SGCD: variants seen among roughly 807,000 people sequenced by gnomAD.
SGCD encodes the protein sarcoglycan delta, also known as delta-sarcoglycan.
A neutral mutation model predicts 36.6 loss-of-function variants in SGCD; 18 were observed. The observed-to-expected ratio is 0.49, with a 90% CI of 0.34 to 0.73. SGCD has a LOEUF of 0.73. Ranked by LOEUF, SGCD falls within the 30% of genes least tolerant of loss-of-function variation. The probability of loss-of-function intolerance (pLI) is 0.01; values close to 1 mark genes in which losing one functional copy is unlikely to be tolerated. For missense variants in SGCD, 387 were observed against 346.7 expected, an observed-to-expected ratio of 1.12 and a Z score of -0.92; for synonymous variants, 133 against 130.6, an observed-to-expected ratio of 1.02 and a Z score of -0.12.
At chr5:156,643,043 T>G (rs1763096080) in intron 6 of SGCD, among the ~76,000 whole-genome samples, 1 of 150,748 alleles carries the variant, frequency 6.6e-6, no homozygotes, top group African/African-American at 2.4e-5. Flanking sequence ...TTTGTTTGTT[T>G]TTTTTTGAAA....
At chr5:156,153,376 A>G (rs1405729370) in intron 3 of SGCD, among the ~76,000 whole-genome samples, 2 of 151,496 alleles carry the variant, frequency 1.3e-5, no homozygotes. Context: ...TAAAAACTGC[A>G]TTTGCATTTT....
At chr5:156,082,581 A>G (rs1760984252) in intron 1 of SGCD, among the ~76,000 whole-genome samples, 1 of 152,230 alleles carries the variant, frequency 6.6e-6, no homozygotes, top group African/African-American at 2.4e-5. Flanking sequence ...GTATAGTGGA[A>G]TAGAATTTCA....
chr5:155,788,305 G>T, the SGCD span, among the ~76,000 whole-genome samples: 2 of 152,134 alleles, frequency 1.3e-5, no homozygotes, highest in Non-Finnish European at 2.9e-5. Context: ...TCAAGCTACT[G>T]AAGGATTTTA....
chr5:156,748,231 G>A (rs1313444406), intron 7 of SGCD, among the ~76,000 whole-genome samples: 1 of 152,206 alleles, frequency 6.6e-6, no homozygotes, highest in Non-Finnish European at 1.5e-5. Context: ...GGGTGTGAAT[G>A]CAGAGAAGCA....
intron 3 of SGCD, among the ~76,000 whole-genome samples, chr5:156,316,364 G>C (rs1205664345): frequency 6.6e-6 from 1 of 151,906 alleles, no homozygotes; most frequent in African/African-American, 2.4e-5. Flanking sequence ...AATTAATATT[G>C]TCAAAATGTC....
intron 2 of SGCD, among the ~76,000 whole-genome samples, chr5:156,119,261 G>C (rs1761976959): frequency 6.6e-6 from 1 of 152,104 alleles, no homozygotes; most frequent in African/African-American, 2.4e-5. Flanking sequence ...GGTTTAATCA[G>C]AAATAAAACC....
chr5:155,806,806 A>G, the SGCD span, among the ~76,000 whole-genome samples: 8 of 152,198 alleles, frequency 5.3e-5, no homozygotes, highest in African/African-American at 1.9e-4. Flanking sequence ...TTTCTTTTAG[A>G]TAATATTTTG....
chr5:156,635,778 C>T (rs1762804087), intron 6 of SGCD, among the ~76,000 whole-genome samples: 1 of 150,904 alleles, frequency 6.6e-6, no homozygotes, highest in Admixed American at 6.7e-5. Flanking sequence ...AGCAAACTAT[C>T]ACAAGGACAA....
At chr5:155,907,846 G>T (rs1425646854) in intron 1 of SGCD, among the ~76,000 whole-genome samples, 2 of 152,254 alleles carry the variant, frequency 1.3e-5, no homozygotes, top group Non-Finnish European at 2.9e-5. Flanking sequence ...TGAGAGGATT[G>T]ACTTCAATTT....
At chr5:156,117,207 T>C (rs1363494121) in intron 1 of SGCD, among the ~76,000 whole-genome samples, 1 of 152,086 alleles carries the variant, frequency 6.6e-6, no homozygotes, top group Non-Finnish European at 1.5e-5. Flanking sequence ...AATAATTTGG[T>C]CTAGTAGGGA....
At chr5:155,970,950 G>C (rs141920775) in intron 1 of SGCD, among the ~76,000 whole-genome samples, 1 of 152,098 alleles carries the variant, frequency 6.6e-6, no homozygotes, top group Admixed American at 6.6e-5. Flanking sequence ...GCATGTCTGT[G>C]ATTTTTTTCA....
At chr5:156,015,847 A>G (rs2127571986) in intron 1 of SGCD, among the ~76,000 whole-genome samples, 1 of 150,628 alleles carries the variant, frequency 6.6e-6, no homozygotes, top group South Asian at 2.1e-4. Context: ...GGAATGAATG[A>G]ATGAAATTAT....
intron 1 of SGCD, among the ~76,000 whole-genome samples, chr5:156,068,376 G>A (rs948579033): frequency 1.3e-5 from 2 of 151,686 alleles, no homozygotes; most frequent in East Asian, 1.9e-4. Flanking sequence ...TGCGGTGTTT[G>A]ATTTTTTGTT....
intron 3 of SGCD, among the ~76,000 whole-genome samples, chr5:156,507,730 AGTATATGTGTATATATTT>A (rs780519347): frequency 2.6e-5 from 4 of 152,196 alleles, no homozygotes; most frequent in Non-Finnish European, 5.9e-5. Flanking sequence ...TATCAAATAA[AGTATATGTGTATATATTT>A]GTATATGTGT....
At position 156,537,729 on chromosome 5, in the gene SGCD, AGCTGTTAGATGG is replaced by A. The variant is rs1303691271; in HGVS notation, c.294+29032_294+29043del. ...TGTGATTCTCTGACTTTCATAGTAAAGCTGTTAGATGGGCTGCCTTAGCTAGTCCCATCCCAT... is the reference window on the plus strand; with the variant it reads ...TGTGATTCTCTGACTTTCATAGTAAAGCTGCCTTAGCTAGTCCCATCCCAT... On this transcript the variant is annotated intron_variant, in intron 4 of 8. Coordinates refer to ENST00000337851, the MANE Select transcript of SGCD (RefSeq NM_000337.6). 2.6e-5 allele frequency among the ~76,000 whole-genome samples: 4 copies of A among 152,100 alleles called. No individual in the cohort carries two copies. In the East Asian group the frequency reaches 7.7e-4, roughly 29 times the overall value.
intron 3 of SGCD, among the ~76,000 whole-genome samples, chr5:156,307,117 C>T (rs949080980): frequency 6.8e-6 from 1 of 148,120 alleles, no homozygotes; most frequent in Non-Finnish European, 1.5e-5. Flanking sequence ...ACACAGATAA[C>T]TGCAGGCTCA....
chr5:156,303,599 A>T (rs1229376224), intron 3 of SGCD, among the ~76,000 whole-genome samples: 1 of 151,478 alleles, frequency 6.6e-6, no homozygotes, highest in East Asian at 2.0e-4. Context: ...TGAAGCCAGC[A>T]TAGCCCTAGG....
chr5:156,050,785 C>T (rs1204902153), intron 1 of SGCD, among the ~76,000 whole-genome samples: 2 of 146,460 alleles, frequency 1.4e-5, no homozygotes, highest in Non-Finnish European at 3.1e-5. Context: ...TATCTGCATT[C>T]CTTGGCCCAT....
chr5:156,646,970 A>G (rs142959057), intron 6 of SGCD, among the ~76,000 whole-genome samples: 94 of 152,314 alleles, frequency 6.2e-4, no homozygotes, highest in Middle Eastern at 3.4e-3. Context: ...TCAAGATAAT[A>G]ATGTAGAACT....
Sources: allele counts gnomAD v4.1 joint callset (sites outside exome capture counted in the v4.1 genomes callset), GRCh38; gene constraint gnomAD v4.1.1; transcripts MANE v1.5; gene names NCBI Gene and HGNC (gene_info 2026-07-23, HGNC 2026-07-21).